The following PLCL1 variants were observed in gnomAD, a reference collection of about 807,000 sequenced individuals.
PLCL1 encodes the protein inactive phospholipase C-like protein 1.
A neutral mutation model predicts 84.4 loss-of-function variants in PLCL1; 41 were observed. The ratio of observed to expected loss-of-function variants is 0.49; its 90% CI spans 0.38 to 0.63. The LOEUF (loss-of-function observed/expected upper bound fraction) is 0.63. Among genes scored for constraint, PLCL1 ranks in the 30% least tolerant of loss-of-function variants. The probability of loss-of-function intolerance (pLI) is 0.00; values close to 1 mark genes in which losing one functional copy is unlikely to be tolerated. For missense variants in PLCL1, 1,206 were observed against 1,367.8 expected (o/e 0.88, Z 1.87); for synonymous variants, 490 against 488.3 (o/e 1.00, Z -0.05).
chr2:197,897,206 T>TCC (rs1553500740), intron 1 of PLCL1, among the ~76,000 whole-genome samples: 47,230 of 70,844 alleles, frequency 0.67, 16,964 homozygotes, highest in Middle Eastern at 0.69. Context: ...TCCTTCTTCT[T>TCC]TCTTCTTCCT....
intron 5 of PLCL1, among the ~76,000 whole-genome samples, chr2:198,111,981 T>C (rs906029793): frequency 2.0e-5 from 3 of 151,900 alleles, no homozygotes; most frequent in Admixed American, 2.0e-4. Flanking sequence ...CAGTGGTTAG[T>C]GCAGAAAGCT....
chr2:197,890,295 G>T (rs571222444), intron 1 of PLCL1, among the ~76,000 whole-genome samples: 2 of 152,050 alleles, frequency 1.3e-5, no homozygotes, highest in Non-Finnish European at 2.9e-5. Flanking sequence ...TTAAATATTC[G>T]TATGAATCCC....
intron 1 of PLCL1, among the ~76,000 whole-genome samples, chr2:198,064,343 T>C (rs1692275569): frequency 6.6e-6 from 1 of 152,176 alleles, no homozygotes; most frequent in African/African-American, 2.4e-5. Context: ...ATTCATCAGA[T>C]TGAGCTCCTT....
chr2:197,924,741 G>A (rs547851506), intron 1 of PLCL1, among the ~76,000 whole-genome samples: 16 of 151,978 alleles, frequency 1.1e-4, no homozygotes, highest in African/African-American at 3.1e-4. Flanking sequence ...CTTATCTGGG[G>A]GGGTCATGAG....
chr2:198,091,497 T>G (rs1325199096), intron 3 of PLCL1, among the ~76,000 whole-genome samples: 3 of 151,652 alleles, frequency 2.0e-5, no homozygotes, highest in Admixed American at 6.6e-5. Flanking sequence ...CTGGCCAACA[T>G]AGTGAAACCC....
At chr2:198,062,272 A>G (rs1692222610) in intron 1 of PLCL1, among the ~76,000 whole-genome samples, 1 of 152,164 alleles carries the variant, frequency 6.6e-6, no homozygotes, top group South Asian at 2.1e-4. Context: ...AGTTTTATCT[A>G]TTCTAGGGGA....
intron 1 of PLCL1, among the ~76,000 whole-genome samples, chr2:198,073,901 A>T (rs1410036845): frequency 1.3e-5 from 2 of 152,198 alleles, no homozygotes; most frequent in Non-Finnish European, 2.9e-5. Context: ...GTTTGAATAG[A>T]ATTAGGTTTT....
chr2:197,826,142 C>T (rs776966417), intron 1 of PLCL1, among the ~76,000 whole-genome samples: 3 of 152,146 alleles, frequency 2.0e-5, no homozygotes, highest in Non-Finnish European at 4.4e-5. Flanking sequence ...TATCGGCTGC[C>T]GCTATCTCTT....
At chr2:198,026,346 A>T (rs1452818165) in intron 1 of PLCL1, among the ~76,000 whole-genome samples, 1 of 152,172 alleles carries the variant, frequency 6.6e-6, no homozygotes, top group East Asian at 1.9e-4. Flanking sequence ...TCTATTTTTC[A>T]TGGAGCATGT....
intron 1 of PLCL1, among the ~76,000 whole-genome samples, chr2:197,892,095 T>C (rs1224484180): frequency 2.0e-5 from 3 of 152,214 alleles, no homozygotes; most frequent in Non-Finnish European, 1.5e-5. Flanking sequence ...TCTGTGCAAA[T>C]AACATCCTGT....
intron 1 of PLCL1, among the ~76,000 whole-genome samples, chr2:197,974,896 C>G (rs1328135884): frequency 6.6e-6 from 1 of 152,092 alleles, no homozygotes; most frequent in Non-Finnish European, 1.5e-5. Flanking sequence ...AATCCCAGCA[C>G]TTTGGGAGGC....
intron 1 of PLCL1, among the ~76,000 whole-genome samples, chr2:197,850,274 A>T (rs902172583): frequency 6.6e-6 from 1 of 152,132 alleles, no homozygotes; most frequent in Non-Finnish European, 1.5e-5. Context: ...TGTCTGTCTC[A>T]CCCCACCATT....
In PLCL1 at chr2:197,927,072, G is replaced by A. The variant is rs140325877; in HGVS notation, c.240+121733G>A. On this transcript the variant is annotated intron_variant, in intron 1 of 5. Transcript: ENST00000428675. Reference sequence around the variant, plus strand: ...GTGAGTGCTCAAAGAAGTCTTCGTGGACACTGAGGTTTCTTAGGATCTAGG... The same window carrying A: ...GTGAGTGCTCAAAGAAGTCTTCGTGAACACTGAGGTTTCTTAGGATCTAGG... Among the ~76,000 whole-genome samples, 391 of 152,288 alleles carry A rather than the reference G, an allele frequency of 2.6e-3. 1 individual carries two copies. Among genetic ancestry groups the A allele is most frequent in the African/African-American group, 9.2e-3 (382 of 41,558 alleles).
intron 1 of PLCL1, among the ~76,000 whole-genome samples, chr2:197,980,319 C>T (rs1023729699): frequency 1.5e-4 from 23 of 152,048 alleles, no homozygotes; most frequent in African/African-American, 4.6e-4. Context: ...GGAGAGGAAG[C>T]GGAGATTAAG....
intron 1 of PLCL1, among the ~76,000 whole-genome samples, chr2:197,807,242 T>C (rs1690504379): frequency 6.6e-6 from 1 of 152,242 alleles, no homozygotes; most frequent in Admixed American, 6.5e-5. Context: ...TCCACCCTCA[T>C]AGATGTTAAC....
intron 1 of PLCL1, among the ~76,000 whole-genome samples, chr2:198,006,282 C>G (rs1017938091): frequency 2.0e-5 from 3 of 152,262 alleles, no homozygotes; most frequent in Admixed American, 2.0e-4. Context: ...CTCCTTTCAT[C>G]CCATTTAATG....
At chr2:198,007,980 A>T (rs1308957001) in intron 1 of PLCL1, among the ~76,000 whole-genome samples, 1 of 152,110 alleles carries the variant, frequency 6.6e-6, no homozygotes, top group Non-Finnish European at 1.5e-5. Context: ...AGCCAAGGCA[A>T]AAAGGGACTC....
intron 1 of PLCL1, among the ~76,000 whole-genome samples, chr2:197,839,041 T>C (rs1691245580): frequency 6.6e-6 from 1 of 152,256 alleles, no homozygotes; most frequent in Non-Finnish European, 1.5e-5. Flanking sequence ...AGTTTTTGAA[T>C]CTTTCATGCC....
At chr2:197,863,905 C>A (rs1236085160) in intron 1 of PLCL1, among the ~76,000 whole-genome samples, 2 of 152,122 alleles carry the variant, frequency 1.3e-5, no homozygotes, top group Non-Finnish European at 2.9e-5. Context: ...CATGTGACTT[C>A]TTTGGTATGG....
Sources: allele counts gnomAD v4.1 joint callset (sites outside exome capture counted in the v4.1 genomes callset), GRCh38; gene constraint gnomAD v4.1.1; transcripts MANE v1.5; gene names NCBI Gene and HGNC (gene_info 2026-07-23, HGNC 2026-07-21).